KIF26B: variants seen among roughly 807,000 people sequenced by gnomAD.
KIF26B encodes kinesin-like protein KIF26B.
In KIF26B, 63 loss-of-function variants were observed where a neutral mutation model predicts 151.2. The observed-to-expected ratio is 0.42, with a 90% CI of 0.34 to 0.51. KIF26B has a LOEUF of 0.51. KIF26B is among the 20% of genes least tolerant of loss of function. The probability of loss-of-function intolerance (pLI) is 0.07; values close to 1 mark genes in which losing one functional copy is unlikely to be tolerated. For missense variants in KIF26B, 2,813 were observed against 2,913.6 expected, an observed-to-expected ratio of 0.97 and a Z score of 0.79; for synonymous variants, 1,357 against 1,262.1, an observed-to-expected ratio of 1.08 and a Z score of -1.59.
chr1:245,398,094 A>G (rs917726305), intron 3 of KIF26B, among the ~76,000 whole-genome samples: 7 of 151,716 alleles, frequency 4.6e-5, no homozygotes, highest in African/African-American at 1.7e-4. Context: ...GAAAAATACT[A>G]CTCCCTCGGG....
At chr1:245,254,115 GC>G (rs1670494213) in intron 2 of KIF26B, among the ~76,000 whole-genome samples, 1 of 152,040 alleles carries the variant, frequency 6.6e-6, no homozygotes. Flanking sequence ...CAGCTGAAGT[GC>G]TGTTTTTTTT....
chr1:245,160,212 A>T (rs1344185319), intron 2 of KIF26B, among the ~76,000 whole-genome samples: 1 of 152,098 alleles, frequency 6.6e-6, no homozygotes, highest in Admixed American at 6.5e-5. Flanking sequence ...ACTCAGATTG[A>T]CTTTTATTAC....
chr1:245,506,156 A>G (rs757087923), intron 4 of KIF26B, among the ~76,000 whole-genome samples: 47 of 152,200 alleles, frequency 3.1e-4, no homozygotes, highest in Non-Finnish European at 6.0e-4. Flanking sequence ...TAAAGAAACT[A>G]CTTCTGTCTC....
At chr1:245,211,060 T>A (rs1573710545) in intron 2 of KIF26B, among the ~76,000 whole-genome samples, 1 of 152,282 alleles carries the variant, frequency 6.6e-6, no homozygotes, top group African/African-American at 2.4e-5. Flanking sequence ...ATAGGCCTTG[T>A]GTCTTCTTGT....
At chr1:245,509,753 G>A (rs2103083338) in intron 4 of KIF26B, among the ~76,000 whole-genome samples, 1 of 152,298 alleles carries the variant, frequency 6.6e-6, no homozygotes, top group East Asian at 1.9e-4. Context: ...TGAACAGGGA[G>A]GGTTGGAGAG....
chr1:245,655,488 G>T (rs903429492), intron 10 of KIF26B, among the ~76,000 whole-genome samples: 1 of 152,202 alleles, frequency 6.6e-6, no homozygotes, highest in African/African-American at 2.4e-5. Flanking sequence ...GAGTTTGTGT[G>T]CCTAACACAC....
At chr1:245,355,423 C>T (rs1672670754) in intron 2 of KIF26B, among the ~76,000 whole-genome samples, 3 of 151,902 alleles carry the variant, frequency 2.0e-5, no homozygotes, top group Admixed American at 6.6e-5. Context: ...TGGCGAAACT[C>T]CATCTCTACA....
At chr1:245,519,115 A>G (rs1170094445) in intron 4 of KIF26B, among the ~76,000 whole-genome samples, 1 of 152,242 alleles carries the variant, frequency 6.6e-6, no homozygotes, top group African/African-American at 2.4e-5. Context: ...TAGAGTTCAG[A>G]AGATGGAAAC....
intron 5 of KIF26B, among the ~76,000 whole-genome samples, chr1:245,594,295 GT>G (rs2103139188): frequency 6.6e-6 from 1 of 152,268 alleles, no homozygotes; most frequent in East Asian, 1.9e-4. Context: ...GTGTTTTATG[GT>G]TTTAGGTCTT....
intron 2 of KIF26B, among the ~76,000 whole-genome samples, chr1:245,320,385 G>A (rs1265660740): frequency 1.3e-5 from 2 of 152,158 alleles, no homozygotes; most frequent in Non-Finnish European, 2.9e-5. Flanking sequence ...CCCATGTGCC[G>A]CCTCTCGTTC....
intron 2 of KIF26B, among the ~76,000 whole-genome samples, chr1:245,200,580 C>A (rs1669279820): frequency 1.3e-5 from 2 of 152,188 alleles, no homozygotes; most frequent in African/African-American, 4.8e-5. Flanking sequence ...CCCTTTGAGA[C>A]TGACTTTTAC....
At chr1:245,418,246 C>T (rs950417559) in intron 3 of KIF26B, among the ~76,000 whole-genome samples, 8 of 152,224 alleles carry the variant, frequency 5.3e-5, no homozygotes, top group African/African-American at 1.4e-4. Context: ...CTCTCTGCTC[C>T]GTCAGCAGGA....
chr1:245,352,996 G>A lies in KIF26B; in HGVS notation c.466-13838G>A, dbSNP rs1002907443. On this transcript the variant is annotated intron_variant, in intron 2 of 14. Transcript: ENST00000407071. The surrounding 1 kb of genome is among the most constrained non-coding windows in gnomAD (Gnocchi z 5.0). The stretch of plus-strand genomic sequence containing the variant: ...TCACGTTAGAGGTTTTGGAGTTGTA[G>A]TGGCTATCGTTTTAAGTTTCTTGTA... Among the ~76,000 whole-genome samples the A allele has an allele frequency of 1.3e-5, 2 of 152,180 alleles. No individual in the cohort carries two copies. Among genetic ancestry groups the A allele is most frequent in the African/African-American group, 4.8e-5 (2 of 41,440 alleles).
At chr1:245,291,638 T>C (rs1671254157) in intron 2 of KIF26B, among the ~76,000 whole-genome samples, 1 of 152,178 alleles carries the variant, frequency 6.6e-6, no homozygotes, top group South Asian at 2.1e-4. Flanking sequence ...GAAAGACAGA[T>C]TCCTGTTCTC....
intron 2 of KIF26B, among the ~76,000 whole-genome samples, chr1:245,181,841 A>G (rs908642464): frequency 6.6e-6 from 1 of 152,148 alleles, no homozygotes; most frequent in African/African-American, 2.4e-5. Flanking sequence ...GAGATGGCAG[A>G]GGAGGAGATG....
intron 2 of KIF26B, among the ~76,000 whole-genome samples, chr1:245,280,365 C>CAA (rs1191254237): frequency 0.017 from 2,223 of 129,594 alleles, 69 homozygotes; most frequent in East Asian, 0.053. Flanking sequence ...ACAAAAAATA[C>CAA]AAAAAAAAAA....
intron 2 of KIF26B, among the ~76,000 whole-genome samples, chr1:245,268,856 GCTAAAA>G (rs966013513): frequency 2.0e-5 from 3 of 152,162 alleles, no homozygotes; most frequent in African/African-American, 7.2e-5. Context: ...GACTTTCAGT[GCTAAAA>G]CTGGGACAGT....
At chr1:245,534,868 T>C (rs1384741194) in intron 4 of KIF26B, among the ~76,000 whole-genome samples, 1 of 151,624 alleles carries the variant, frequency 6.6e-6, no homozygotes, top group Non-Finnish European at 1.5e-5. Context: ...CTGCAACCTC[T>C]ACCTCCCAGG....
At chr1:245,583,719 C>T (rs1363051520) in intron 5 of KIF26B, among the ~76,000 whole-genome samples, 2 of 152,174 alleles carry the variant, frequency 1.3e-5, no homozygotes, top group African/African-American at 4.8e-5. Context: ...GCCTGGGTTA[C>T]ATCACCACCT....
Sources: allele counts gnomAD v4.1 joint callset (sites outside exome capture counted in the v4.1 genomes callset), GRCh38; gene constraint gnomAD v4.1.1; non-coding constraint Gnocchi (gnomAD v3.1); transcripts MANE v1.5; gene names NCBI Gene and HGNC (gene_info 2026-07-23, HGNC 2026-07-21).